The following KLHL23 variants were observed in gnomAD, a reference collection of about 807,000 sequenced individuals.
KLHL23 encodes kelch-like protein 23.
Under a neutral mutation model 48.9 loss-of-function variants are expected in KLHL23, and 33 were observed. That is an observed-to-expected ratio of 0.67 (90% CI 0.51 to 0.90). The LOEUF (loss-of-function observed/expected upper bound fraction) is 0.90, where lower values mean the gene tolerates loss of function less well. Ranked by LOEUF, KLHL23 falls within the 40% of genes least tolerant of loss-of-function variation. The pLI is 0.00. For synonymous variants in KLHL23, 234 were observed against 231.6 expected, an observed-to-expected ratio of 1.01 and a Z score of -0.09; for missense variants, 608 against 669.6, an observed-to-expected ratio of 0.91 and a Z score of 1.02.
At chr2:169,739,455 A>G (rs1220200908) in intron 2 of KLHL23, among the ~76,000 whole-genome samples, 3 of 152,250 alleles carry the variant, frequency 2.0e-5, no homozygotes, top group South Asian at 2.1e-4. Context: ...ACAACCCTCA[A>G]TGTGCCACCT....
intron 3 of KLHL23, among the ~76,000 whole-genome samples, chr2:169,741,967 T>C (rs1688686634): frequency 6.6e-6 from 1 of 152,230 alleles, no homozygotes. Flanking sequence ...GCATGTTCTT[T>C]CTAGGTTTCA....
intron 3 of KLHL23, among the ~76,000 whole-genome samples, chr2:169,743,671 A>G (rs1688726639): frequency 6.6e-6 from 1 of 152,226 alleles, no homozygotes; most frequent in Non-Finnish European, 1.5e-5. Flanking sequence ...GGCAGCAGTC[A>G]CGGGAGCCAG....
intron 2 of KLHL23, among the ~76,000 whole-genome samples, chr2:169,740,789 T>TATATATATATATAC (rs1688659965): frequency 6.9e-6 from 1 of 144,772 alleles, no homozygotes; most frequent in Non-Finnish European, 1.5e-5. Context: ...TATATATATA[T>TATATATATATATAC]ATAACTTATT....
At position 169,751,074 on chromosome 2, in the gene KLHL23, C is replaced by T. The variant is rs773273308; in HGVS notation, c.*1342C>T. 6.6e-6 allele frequency: 1 copy of T among 152,236 alleles called. No homozygotes were observed. The allele number at this position is 152,236 out of a possible 1,614,324, so 9.4% of individuals were successfully genotyped here. A position where few individuals can be genotyped will look rare whatever the true frequency, so the allele number is the denominator to read the frequency against. On this transcript the variant is annotated 3_prime_UTR_variant, in exon 4 of 4. Transcript: ENST00000392647. ...ACTGGCACTGCAAATCACAGACAGGCCTAGATACAGATCCCCTCACCCCTT... is the reference window on the plus strand; with the variant it reads ...ACTGGCACTGCAAATCACAGACAGGTCTAGATACAGATCCCCTCACCCCTT...
intron 2 of KLHL23, among the ~76,000 whole-genome samples, chr2:169,737,505 TC>T (rs1332459150): frequency 2.1e-4 from 32 of 152,266 alleles, no homozygotes; most frequent in African/African-American, 6.7e-4. Context: ...ATAAGAAAAG[TC>T]CATATATTTA....
rs753897273 is a variant in KLHL23, at chr2:169,735,906, G to A, written c.892G>A (p.Val298Ile). The A allele has an allele frequency of 2.2e-5, 36 of 1,614,022 alleles. No individual in the cohort carries two copies. The highest frequency in any genetic ancestry group is 2.7e-5 in the Non-Finnish European group (32 of 1,180,046). ...TCACATATGGGATCCTTTGACAAATGTTTGGATTCAGGGAGCAGAAATACC... is the reference window on the plus strand; with the variant it reads ...TCACATATGGGATCCTTTGACAAATATTTGGATTCAGGGAGCAGAAATACC... ...EVHIWDPLTN[V>I]WIQGAEIPDY... Residue 298 changes from valine (V) to isoleucine (I), a missense_variant, in exon 2 of 4, where the codon GTT (valine) becomes ATT (isoleucine). Val to Ile is a conservative substitution (Grantham distance 29). Transcript: ENST00000392647. The surrounding 1 kb of genome is among the most constrained non-coding windows in gnomAD (Gnocchi z 4.5).
At chr2:169,741,292 G>A in intron 2 of KLHL23, 93 bp from the exon 3 acceptor site, 4 of 1,490,408 alleles carry the variant, frequency 2.7e-6, no homozygotes, top group Non-Finnish European at 3.6e-6. Flanking sequence ...TTTACCATCA[G>A]TAATAACAAA....
Position 169,736,110 on chromosome 2 carries a change from A to G in KLHL23, c.1096A>G (p.Thr366Ala). 6.2e-7 allele frequency: 1 copy of G among 1,614,202 alleles called. No homozygotes were observed. The highest frequency in any genetic ancestry group is 8.5e-7 in the Non-Finnish European group (1 of 1,180,028). Residue 366 changes from threonine to alanine, a missense_variant, in exon 2 of 4, where the codon ACC becomes GCC. By Grantham distance (58) the Thr-to-Ala change is moderately conservative (BLOSUM62 0). This residue lies in a region of KLHL23 where 419 missense variants were observed against 473.1 expected (regional missense o/e 0.89). Coordinates refer to ENST00000392647, the MANE Select transcript of KLHL23 (RefSeq NM_144711.6). ...TGCCAGGTATTACCACTGTGCAGTC[A>G]CCTTGGGTGGCTGTGTCTATGCTTT... ...LNARYYHCAV[T>A]LGGCVYALGG...
intron 3 of KLHL23, among the ~76,000 whole-genome samples, chr2:169,743,332 A>G (rs1338741788): frequency 6.6e-6 from 1 of 152,236 alleles, no homozygotes; most frequent in Non-Finnish European, 1.5e-5. Context: ...AGACAGTGTC[A>G]CTTTGGACTT....
chr2:169,745,107 G>A (rs1688764002), intron 3 of KLHL23, among the ~76,000 whole-genome samples: 1 of 151,476 alleles, frequency 6.6e-6, no homozygotes, highest in African/African-American at 2.4e-5. Context: ...AGTAGAGACG[G>A]GGTTTCACTA....
At chr2:169,741,334 C>A in intron 2 of KLHL23, 51 bp from the exon 3 acceptor site, 1 of 1,555,848 alleles carries the variant, frequency 6.4e-7, no homozygotes, top group South Asian at 1.2e-5. Context: ...GGGTTCACTG[C>A]AAAAAAGAAC....
intron 2 of KLHL23, among the ~76,000 whole-genome samples, chr2:169,738,380 T>G (rs1423599785): frequency 6.6e-6 from 1 of 152,196 alleles, no homozygotes; most frequent in Non-Finnish European, 1.5e-5. Flanking sequence ...GTGCGGGGAT[T>G]ATAGGTGTGA....
intron 3 of KLHL23, among the ~76,000 whole-genome samples, chr2:169,742,997 AAAGAGATTAT>A (rs1370685756): frequency 6.6e-6 from 1 of 152,248 alleles, no homozygotes; most frequent in African/African-American, 2.4e-5. Context: ...ACTGAGGGTC[AAAGAGATTAT>A]ATAAATTGCC....
At chr2:169,741,636 T>C in intron 3 of KLHL23, 99 bp downstream of exon 3, 1 of 1,404,512 alleles carries the variant, frequency 7.1e-7, no homozygotes, top group Non-Finnish European at 9.6e-7. Context: ...GCTGATTTTA[T>C]TGTAGACTAC....
chr2:169,741,769 G>A (rs73008448), intron 3 of KLHL23, among the ~76,000 whole-genome samples: 18,546 of 152,194 alleles, frequency 0.12, 1,237 homozygotes, highest in Middle Eastern at 0.18. Context: ...AATGCACATT[G>A]TAAGTCTGTG....
intron 2 of KLHL23, among the ~76,000 whole-genome samples, chr2:169,737,464 T>C (rs1688545952): frequency 6.6e-6 from 1 of 152,194 alleles, no homozygotes; most frequent in Non-Finnish European, 1.5e-5. Context: ...AGGAGGGCTC[T>C]GAATGTCCTG....
At chr2:169,736,680 T>C (rs1688526083) in intron 2 of KLHL23, among the ~76,000 whole-genome samples, 1 of 151,902 alleles carries the variant, frequency 6.6e-6, no homozygotes, top group South Asian at 2.1e-4. Context: ...GACACCATAC[T>C]CTCCCTCATG....
Position 169,749,559 on chromosome 2 carries a change from G to C in KLHL23, c.1504G>C (p.Gly502Arg), listed in dbSNP as rs148317501. 6 of 1,614,006 alleles carry C rather than the reference G, an allele frequency of 3.7e-6. No individual in the cohort carries two copies. In the Admixed American group the frequency reaches 1.0e-4, roughly 27 times the overall value. The change falls in exon 4 of 4, where the codon GGT becomes CGT. Residue 502 changes from glycine to arginine, a missense_variant. Transcript: ENST00000392647. ...CATGATGGAAAGGAGGATGGAGTGC[G>C]GTGCCGTCATCATGAATGGATGTAT... ...APMMERRMECGAVIMNGCIYV... is the reference protein window; with the variant it reads ...APMMERRMECRAVIMNGCIYV...
Position 169,735,030 on chromosome 2 carries a change from C to G in KLHL23, c.16C>G (p.Gln6Glu), listed in dbSNP as rs138138763. Reference sequence around the variant, plus strand: ...TATTGCAGCCATGGCTCTAAAAGGACAAGAAGATTATATTTATCTTTTCAA... The same window carrying G: ...TATTGCAGCCATGGCTCTAAAAGGAGAAGAAGATTATATTTATCTTTTCAA... MALKGQEDYIYLFKDS... is the reference protein window; with the variant it reads MALKGEEDYIYLFKDS... Residue 6 changes from glutamine (Q) to glutamate (E), a missense_variant, in exon 2 of 4, where the codon CAA (glutamine) becomes GAA (glutamate). By Grantham distance (29) the Gln-to-Glu change is conservative (BLOSUM62 2). Coordinates refer to ENST00000392647, the MANE Select transcript of KLHL23 (RefSeq NM_144711.6). The surrounding 1 kb of genome is among the most constrained non-coding windows in gnomAD (Gnocchi z 4.5). 12 of 1,552,252 alleles carry G rather than the reference C, an allele frequency of 7.7e-6. No homozygotes were observed. Among genetic ancestry groups the G allele is most frequent in the Non-Finnish European group, 1.0e-5 (12 of 1,154,806 alleles).
Sources: allele counts gnomAD v4.1 joint callset (sites outside exome capture counted in the v4.1 genomes callset), GRCh38; gene constraint gnomAD v4.1.1; regional missense constraint gnomAD v4.1.1; non-coding constraint Gnocchi (gnomAD v3.1); transcripts MANE v1.5; gene names NCBI Gene and HGNC (gene_info 2026-07-23, HGNC 2026-07-21).